Variants in MAPRE2 observed in about 807,000 individuals in gnomAD.
MAPRE2 encodes microtubule-associated protein RP/EB family member 2.
Under a neutral mutation model 43.2 loss-of-function variants are expected in MAPRE2, and 13 were observed. That is an observed-to-expected ratio of 0.30 (90% CI 0.20 to 0.48). The LOEUF is 0.48. MAPRE2 is among the 20% of genes least tolerant of loss of function. The probability of loss-of-function intolerance (pLI) is 0.99; values close to 1 mark genes in which losing one functional copy is unlikely to be tolerated. For missense variants in MAPRE2, 161 were observed against 400.2 expected, an observed-to-expected ratio of 0.40 and a Z score of 5.10; for synonymous variants, 135 against 148.8, an observed-to-expected ratio of 0.91 and a Z score of 0.68.
Position 35,142,652 on chromosome 18 carries a change from A to G in MAPRE2, c.*2283A>G, listed in dbSNP as rs1278284753. ...TCGTTTATTTAGAGAAGAGCTATAC[A>G]TTCTTCTTTCTGGTCCCATCTTAAA... is the stretch of plus-strand genomic sequence containing the variant. On this transcript the variant is annotated 3_prime_UTR_variant, in exon 7 of 7. Coordinates refer to ENST00000300249, the MANE Select transcript of MAPRE2 (RefSeq NM_014268.4). 1 of 152,170 alleles carries G rather than the reference A, an allele frequency of 6.6e-6. No individual in the cohort carries two copies. The highest frequency in any genetic ancestry group is 6.5e-5 in the Admixed American group (1 of 15,274). 9.4% of individuals were successfully genotyped at this position (152,170 alleles called of 1,614,324 possible). A position where few individuals can be genotyped will look rare whatever the true frequency, so the allele number is the denominator to read the frequency against.
chr18:35,029,669 T>A (rs905889744), intron 2 of MAPRE2, among the ~76,000 whole-genome samples: 1 of 152,252 alleles, frequency 6.6e-6, no homozygotes, highest in Non-Finnish European at 1.5e-5. Flanking sequence ...AGATAATTTA[T>A]TTGTTAGCAG....
intron 2 of MAPRE2, among the ~76,000 whole-genome samples, chr18:35,096,870 G>T (rs1055929606): frequency 6.6e-6 from 1 of 151,374 alleles, no homozygotes; most frequent in East Asian, 1.9e-4. Flanking sequence ...GGTATTAATT[G>T]ACTTGTAGTT....
chr18:35,085,323 C>T (rs916843940), intron 2 of MAPRE2, among the ~76,000 whole-genome samples: 3 of 152,208 alleles, frequency 2.0e-5, no homozygotes, highest in Admixed American at 2.0e-4. Context: ...TCTGCAGGAA[C>T]ATCAGTTCAA....
chr18:35,106,856 TAC>T (rs60267466), intron 4 of MAPRE2, among the ~76,000 whole-genome samples: 7,878 of 152,264 alleles, frequency 0.052, 383 homozygotes, highest in East Asian at 0.21. Context: ...TGTATTAAAA[TAC>T]ACATTTTCAC....
At chr18:35,021,771 GC>G (rs2097042079) in intron 2 of MAPRE2, among the ~76,000 whole-genome samples, 1 of 152,028 alleles carries the variant, frequency 6.6e-6, no homozygotes, top group Non-Finnish European at 1.5e-5. Flanking sequence ...GATCTAAATG[GC>G]CTGGCATTCT....
intron 1 of MAPRE2, among the ~76,000 whole-genome samples, chr18:35,065,934 A>T (rs527547551): frequency 2.0e-5 from 3 of 152,330 alleles, no homozygotes; most frequent in African/African-American, 7.2e-5. Context: ...CAGCGCTTTG[A>T]CTTTCTCCTT....
intron 1 of MAPRE2, among the ~76,000 whole-genome samples, chr18:34,994,106 G>C (rs2097025238): frequency 6.6e-6 from 1 of 150,858 alleles, no homozygotes; most frequent in Non-Finnish European, 1.5e-5. Flanking sequence ...CTGCTTCCTG[G>C]CTCTCCAGTA....
rs767365906 is a variant in MAPRE2, at chr18:34,978,478, G to A, written c.-70+1399G>A. ...ACGCAGCACCTACTTCTAATCTGAG[G>A]ACCCGCGATTTACACTTTTGCTGAA... On this transcript the variant is annotated intron_variant, in intron 1 of 7. Transcript: ENST00000413393. 3.6e-5 allele frequency: 56 copies of A among 1,548,020 alleles called. 1 individual carries two copies. The African/African-American group carries it at 6.2e-4, about 17-fold the overall frequency.
At chr18:35,099,981 A>G (rs1334504000) in intron 3 of MAPRE2, among the ~76,000 whole-genome samples, 3 of 152,214 alleles carry the variant, frequency 2.0e-5, no homozygotes, top group African/African-American at 4.8e-5. Context: ...TAGGATATCA[A>G]TGATGTGTAG....
intron 2 of MAPRE2, among the ~76,000 whole-genome samples, chr18:35,007,278 T>G (rs2097032294): frequency 6.6e-6 from 1 of 152,132 alleles, no homozygotes; most frequent in Non-Finnish European, 1.5e-5. Context: ...TAGCACTGCC[T>G]TTCACCCTCA....
intron 2 of MAPRE2, among the ~76,000 whole-genome samples, chr18:35,073,950 G>C (rs1249352304): frequency 6.6e-6 from 1 of 152,152 alleles, no homozygotes; most frequent in Non-Finnish European, 1.5e-5. Flanking sequence ...TTTATCCCAA[G>C]AATATAACCT....
intron 2 of MAPRE2, among the ~76,000 whole-genome samples, chr18:35,088,021 A>G (rs1242043083): frequency 6.6e-6 from 1 of 152,132 alleles, no homozygotes; most frequent in African/African-American, 2.4e-5. Context: ...GCATTCATCC[A>G]TTTCAGGAGG....
rs182305181 is a variant in MAPRE2 at position 35,064,903 on chromosome 18, C to G, written c.123-5292C>G. On this transcript the variant is annotated intron_variant, in intron 1 of 6. Coordinates refer to ENST00000300249, the MANE Select transcript of MAPRE2 (RefSeq NM_014268.4). ...CTAAAGTCATGTGTATCAGTGGTCA[C>G]TATCCACAGACAAGCTAGAATCGTG... 5.8e-4 allele frequency among the ~76,000 whole-genome samples: 88 copies of G among 152,342 alleles called. 1 individual carries two copies. The highest frequency in any genetic ancestry group is 5.2e-3 in the Admixed American group (80 of 15,304).
intron 2 of MAPRE2, among the ~76,000 whole-genome samples, chr18:35,083,564 C>T (rs482187): frequency 0.26 from 40,140 of 152,066 alleles, 6,595 homozygotes; most frequent in East Asian, 0.52. Flanking sequence ...TTTTGTCCTG[C>T]ACACCATTCC....
At chr18:35,025,544 T>C (rs1295707095) in intron 2 of MAPRE2, among the ~76,000 whole-genome samples, 3 of 152,232 alleles carry the variant, frequency 2.0e-5, no homozygotes, top group African/African-American at 7.2e-5. Flanking sequence ...GAGACAGTCG[T>C]GGCTGAATGT....
At chr18:35,110,529 C>T (rs1755913622) in intron 4 of MAPRE2, among the ~76,000 whole-genome samples, 1 of 152,034 alleles carries the variant, frequency 6.6e-6, no homozygotes, top group Non-Finnish European at 1.5e-5. Flanking sequence ...CATATTTTTA[C>T]TATTTTCAAC....
At chr18:35,081,130 C>T (rs950654641) in intron 2 of MAPRE2, among the ~76,000 whole-genome samples, 28 of 152,146 alleles carry the variant, frequency 1.8e-4, no homozygotes, top group African/African-American at 6.8e-4. Flanking sequence ...AAAAGATGTA[C>T]ATCAACTTTA....
intron 1 of MAPRE2, among the ~76,000 whole-genome samples, chr18:34,977,418 G>A (rs902318058): frequency 2.2e-4 from 33 of 152,228 alleles, no homozygotes; most frequent in Non-Finnish European, 4.1e-4. Context: ...GGGTGAGGCT[G>A]GGGCTGTCCA....
At chr18:35,046,954 CCAAA>C (rs1450945587) in intron 1 of MAPRE2, among the ~76,000 whole-genome samples, 5 of 152,084 alleles carry the variant, frequency 3.3e-5, no homozygotes, top group Non-Finnish European at 5.9e-5. Flanking sequence ...TCTGATCTTC[CCAAA>C]CAATGAACCA....
Sources: allele counts gnomAD v4.1 joint callset (sites outside exome capture counted in the v4.1 genomes callset), GRCh38; gene constraint gnomAD v4.1.1; transcripts MANE v1.5; gene names NCBI Gene and HGNC (gene_info 2026-07-23, HGNC 2026-07-21).